The following PPP2R5C variants were observed in gnomAD, a reference collection of about 807,000 sequenced individuals.
The protein encoded by PPP2R5C is serine/threonine-protein phosphatase 2A 56 kDa regulatory subunit gamma isoform.
In PPP2R5C, 7 loss-of-function variants were observed where a neutral mutation model predicts 68.9. The ratio of observed to expected loss-of-function variants is 0.10; its 90% CI spans 0.06 to 0.19. The LOEUF is 0.19. PPP2R5C is among the 10% of genes least tolerant of loss of function. The pLI, the probability that PPP2R5C is intolerant of heterozygous loss-of-function variation, is 1.00. For missense variants in PPP2R5C, 348 were observed against 641.3 expected, an observed-to-expected ratio of 0.54 and a Z score of 4.94; for synonymous variants, 210 against 222.2, an observed-to-expected ratio of 0.95 and a Z score of 0.49.
chr14:101,762,459 G>A (rs1478522664), intron 1 of PPP2R5C, among the ~76,000 whole-genome samples: 1 of 151,850 alleles, frequency 6.6e-6, no homozygotes, highest in African/African-American at 2.4e-5. Context: ...TTATTATCCT[G>A]GGTGGCGGCG....
At position 101,765,221 on chromosome 14, in the gene PPP2R5C, C is replaced by T. The variant is rs929127288; in HGVS notation, c.93+2251C>T. On this transcript the variant is annotated intron_variant, in intron 2 of 14. Transcript: ENST00000328724. ...ACTGAAAACACTGAAATGTTGGGCC[C>T]TTCACTGCTTCCTCATAAGGATACC... is the stretch of plus-strand genomic sequence containing the variant. 8 of 702,662 alleles carry T rather than the reference C, an allele frequency of 1.1e-5. No individual in the cohort carries two copies. The African/African-American group carries it at 1.2e-4, about 11-fold the overall frequency. 43.5% of individuals were successfully genotyped at this position (702,662 alleles called of 1,614,324 possible).
chr14:101,910,561 G>C (rs1201079070), intron 11 of PPP2R5C, among the ~76,000 whole-genome samples: 2 of 152,216 alleles, frequency 1.3e-5, no homozygotes, highest in Non-Finnish European at 2.9e-5. Flanking sequence ...GGCCGGGTGC[G>C]GTGGCTCACG....
chr14:101,764,685 G>C (rs926903100), intron 2 of PPP2R5C, among the ~76,000 whole-genome samples: 30 of 152,038 alleles, frequency 2.0e-4, no homozygotes, highest in Admixed American at 1.3e-3. Context: ...GACAACTGAG[G>C]TTTACTGTGC....
chr14:101,788,888 C>G (rs1162347212), intron 3 of PPP2R5C, among the ~76,000 whole-genome samples: 1 of 152,010 alleles, frequency 6.6e-6, no homozygotes, highest in African/African-American at 2.4e-5. Context: ...GTCTTGTTTT[C>G]TGACTTATAA....
intron 5 of PPP2R5C, among the ~76,000 whole-genome samples, chr14:101,886,389 C>T (rs1414016293): frequency 1.3e-5 from 2 of 151,962 alleles, no homozygotes; most frequent in African/African-American, 2.4e-5. Flanking sequence ...TACTTGAGTT[C>T]TCACTAAAGG....
At position 101,915,258 on chromosome 14, in the gene PPP2R5C, T is replaced by G. The variant is rs1486259264; in HGVS notation, c.1327-2573T>G. Among the ~76,000 whole-genome samples the G allele has an allele frequency of 6.6e-6, 1 of 152,170 alleles. No individual in the cohort carries two copies. The highest frequency in any genetic ancestry group is 1.9e-4 in the East Asian group (1 of 5,198). On this transcript the variant is annotated intron_variant, in intron 12 of 13. Coordinates refer to ENST00000334743, the Ensembl canonical transcript of PPP2R5C. The surrounding 1 kb of genome is among the most constrained non-coding windows in gnomAD (Gnocchi z 4.2). Reference sequence around the variant, plus strand: ...CACCATGCCTGGCTAATTTTTGTATTTTTAGTAGAGACGGGGTTTCACTAT... The same window carrying G: ...CACCATGCCTGGCTAATTTTTGTATGTTTAGTAGAGACGGGGTTTCACTAT...
rs149001412 is a variant in PPP2R5C, at chr14:101,860,517, T to C, written c.294+3632T>C. On this transcript the variant is annotated intron_variant, in intron 2 of 13. Transcript: ENST00000334743. Reference sequence around the variant, plus strand: ...GAACATTGATACGCAAGCTTTTGTATGAACGTGTGTTTTCGTATCTCTTGG... The same window carrying C: ...GAACATTGATACGCAAGCTTTTGTACGAACGTGTGTTTTCGTATCTCTTGG... 2.4e-3 allele frequency among the ~76,000 whole-genome samples: 367 copies of C among 152,364 alleles called. 2 individuals are homozygous for C. Among genetic ancestry groups the C allele is most frequent in the Non-Finnish European group, 3.4e-3 (230 of 68,032 alleles).
intron 3 of PPP2R5C, among the ~76,000 whole-genome samples, chr14:101,792,872 AT>A (rs1184100489): frequency 1.0e-3 from 149 of 144,268 alleles, no homozygotes; most frequent in Admixed American, 4.7e-3. Context: ...CAAATCAGCC[AT>A]TTTTCTTTTC....
intron 10 of PPP2R5C, among the ~76,000 whole-genome samples, chr14:101,907,924 G>A (rs778009611): frequency 2.0e-5 from 3 of 152,160 alleles, no homozygotes; most frequent in Non-Finnish European, 4.4e-5. Context: ...CCGAGCGAGC[G>A]TCCAGCCAGT....
rs1487949080 is a variant in PPP2R5C at position 101,882,117 on chromosome 14, A to C, written c.295-44A>C. On this transcript the variant is annotated intron_variant, in intron 2 of 13. Transcript: ENST00000334743. The surrounding 1 kb of genome is among the most constrained non-coding windows in gnomAD (Gnocchi z 4.9). Reference sequence around the variant, plus strand: ...ACTTTATAAAATGTTGTCTGTAAATATTTTAAATGCCCTGATTGTAATTAT... The same window carrying C: ...ACTTTATAAAATGTTGTCTGTAAATCTTTTAAATGCCCTGATTGTAATTAT... The C allele has an allele frequency of 6.2e-6, 9 of 1,445,394 alleles. No homozygotes were observed. Among genetic ancestry groups the C allele is most frequent in the Non-Finnish European group, 8.5e-6 (9 of 1,064,400 alleles). The allele number at this position is 1,445,394 out of a possible 1,614,324, so 89.5% of individuals were successfully genotyped here. A position where few individuals can be genotyped will look rare whatever the true frequency, so the allele number is the denominator to read the frequency against.
In PPP2R5C at chr14:101,891,887, CTT is replaced by C. The variant is rs1203427359; in HGVS notation, c.690-1111_690-1110del. ...ATAAACTAGTTGTTTGAGACAAAAA[CTT>C]TGCTTTGGAGGCTCTAGGTAGGACC... On this transcript the variant is annotated intron_variant, in intron 6 of 13. Coordinates refer to ENST00000334743, the Ensembl canonical transcript of PPP2R5C. The surrounding 1 kb of genome is among the most constrained non-coding windows in gnomAD (Gnocchi z 4.9). 6.6e-6 allele frequency among the ~76,000 whole-genome samples: 1 copy of C among 152,208 alleles called. No homozygotes were observed. Among genetic ancestry groups the C allele is most frequent in the African/African-American group, 2.4e-5 (1 of 41,458 alleles).
chr14:101,925,593 T>C (rs1447235211), exon 14 of PPP2R5C: 1 of 206,888 alleles, frequency 4.8e-6, no homozygotes, highest in East Asian at 1.1e-4. Context: ...TTCTCCCAAA[T>C]GGAACTTAGG....
chr14:101,761,065 GGGAGA>G (rs1199063247), upstream of PPP2R5C, among the ~76,000 whole-genome samples: 2 of 138,746 alleles, frequency 1.4e-5, no homozygotes, highest in Non-Finnish European at 3.2e-5. Context: ...GGGGAGTGGA[GGGAGA>G]GGAGGGAAGG....
At chr14:101,769,075 C>G (rs1288463155) in intron 2 of PPP2R5C, among the ~76,000 whole-genome samples, 1 of 152,202 alleles carries the variant, frequency 6.6e-6, no homozygotes, top group African/African-American at 2.4e-5. Flanking sequence ...CCACCTGCCT[C>G]GGCCTCCCAA....
chr14:101,884,513 A>G (rs2140910098), intron 5 of PPP2R5C, among the ~76,000 whole-genome samples: 1 of 152,330 alleles, frequency 6.6e-6, no homozygotes, highest in Middle Eastern at 3.4e-3. Flanking sequence ...ATTCATCTGT[A>G]GAAAGCCTGA....
At chr14:101,850,170 C>T (rs909673702) in intron 1 of PPP2R5C, among the ~76,000 whole-genome samples, 2 of 152,148 alleles carry the variant, frequency 1.3e-5, no homozygotes, top group Admixed American at 1.3e-4. Flanking sequence ...TGCAAGGGGC[C>T]GTTCTCACTG....
chr14:101,821,264 C>T, intron 1 of PPP2R5C, among the ~76,000 whole-genome samples: 1 of 152,020 alleles, frequency 6.6e-6, no homozygotes, highest in Admixed American at 6.6e-5. Flanking sequence ...AAGCCATTTT[C>T]AAGTAATCAA....
At chr14:101,847,486 A>G (rs961685216) in intron 1 of PPP2R5C, among the ~76,000 whole-genome samples, 9 of 151,970 alleles carry the variant, frequency 5.9e-5, no homozygotes, top group Non-Finnish European at 1.0e-4. Flanking sequence ...CTTCATCCGC[A>G]TGTCTCCCAG....
intron 1 of PPP2R5C, among the ~76,000 whole-genome samples, chr14:101,842,695 C>T (rs1042624762): frequency 6.6e-6 from 1 of 151,952 alleles, no homozygotes; most frequent in African/African-American, 2.4e-5. Context: ...CCTGCTCACA[C>T]CTGGCATGGG....
Sources: allele counts gnomAD v4.1 joint callset (sites outside exome capture counted in the v4.1 genomes callset), GRCh38; gene constraint gnomAD v4.1.1; non-coding constraint Gnocchi (gnomAD v3.1); transcripts MANE v1.5; gene names NCBI Gene and HGNC (gene_info 2026-07-23, HGNC 2026-07-21).